ZNF385D: variants seen among roughly 807,000 people sequenced by gnomAD.
The protein encoded by ZNF385D is zinc finger protein 659.
A neutral mutation model predicts 35.8 loss-of-function variants in ZNF385D; 15 were observed. The observed-to-expected ratio is 0.42, with a 90% CI of 0.28 to 0.64. ZNF385D has a LOEUF of 0.64. Among genes scored for constraint, ZNF385D ranks in the 30% least tolerant of loss-of-function variants. The pLI is 0.23. For missense variants in ZNF385D, 474 were observed against 494.6 expected, an observed-to-expected ratio of 0.96 and a Z score of 0.39; for synonymous variants, 212 against 186.8, an observed-to-expected ratio of 1.13 and a Z score of -1.10.
intron 3 of ZNF385D, among the ~76,000 whole-genome samples, chr3:22,122,266 G>C (rs1253698727): frequency 1.3e-5 from 2 of 152,066 alleles, no homozygotes; most frequent in Non-Finnish European, 2.9e-5. Context: ...CAAGTGACAA[G>C]CATCAGGACC....
At chr3:22,134,054 T>C (rs1347855898) in intron 3 of ZNF385D, 1 of 151,984 alleles carries the variant, frequency 6.6e-6, no homozygotes, top group Non-Finnish European at 1.5e-5. Flanking sequence ...AGAAAACAAA[T>C]GATCAATTTA....
chr3:21,566,101 T>TAACA (rs1303585877), intron 2 of ZNF385D, among the ~76,000 whole-genome samples: 2 of 152,202 alleles, frequency 1.3e-5, no homozygotes, highest in Non-Finnish European at 2.9e-5. Flanking sequence ...ATAACAATAG[T>TAACA]AACAATAAAA....
chr3:21,504,865 G>A (rs527826924), intron 4 of ZNF385D, among the ~76,000 whole-genome samples: 6 of 152,082 alleles, frequency 3.9e-5, no homozygotes, highest in Non-Finnish European at 8.8e-5. Flanking sequence ...TAAGAGATGT[G>A]GTTTATGTAC....
chr3:21,973,978 T>A (rs1703436908), intron 3 of ZNF385D, among the ~76,000 whole-genome samples: 1 of 152,038 alleles, frequency 6.6e-6, no homozygotes, highest in African/African-American at 2.4e-5. Flanking sequence ...TATATATTTT[T>A]AAAAATGTAT....
At chr3:22,188,027 A>T (rs1190315272) in intron 2 of ZNF385D, among the ~76,000 whole-genome samples, 1 of 152,226 alleles carries the variant, frequency 6.6e-6, no homozygotes, top group Non-Finnish European at 1.5e-5. Context: ...ATGAAGCTGC[A>T]GTCAATAACC....
chr3:22,346,706 T>C (rs926414574), intron 2 of ZNF385D, among the ~76,000 whole-genome samples: 3 of 152,214 alleles, frequency 2.0e-5, no homozygotes, highest in African/African-American at 7.2e-5. Flanking sequence ...ATTTTATATA[T>C]TCTTTTTAAA....
At chr3:22,087,711 G>A (rs556523327) in intron 3 of ZNF385D, among the ~76,000 whole-genome samples, 2 of 152,144 alleles carry the variant, frequency 1.3e-5, no homozygotes, top group South Asian at 4.2e-4. Flanking sequence ...TTTATTTTGG[G>A]TTTTGTTACT....
intron 3 of ZNF385D, among the ~76,000 whole-genome samples, chr3:21,869,004 T>G (rs936265660): frequency 6.6e-6 from 1 of 152,074 alleles, no homozygotes; most frequent in African/African-American, 2.4e-5. Context: ...CTGGCAGGAA[T>G]TACGGAAAAA....
At chr3:21,989,060 C>A (rs910178323) in intron 3 of ZNF385D, among the ~76,000 whole-genome samples, 1 of 152,102 alleles carries the variant, frequency 6.6e-6, no homozygotes, top group African/African-American at 2.4e-5. Flanking sequence ...GTCTGGCACT[C>A]CCTAGTGAGA....
chr3:22,260,209 G>T (rs78595954), intron 2 of ZNF385D, among the ~76,000 whole-genome samples: 1 of 151,882 alleles, frequency 6.6e-6, no homozygotes, highest in African/African-American at 2.4e-5. Flanking sequence ...AGAAATGGAA[G>T]CCTTCATTCT....
intron 4 of ZNF385D, among the ~76,000 whole-genome samples, chr3:21,456,852 C>A (rs1349416339): frequency 1.3e-5 from 2 of 152,170 alleles, no homozygotes; most frequent in African/African-American, 2.4e-5. Flanking sequence ...AAGACTAACA[C>A]CTTCTCAGTG....
intron 4 of ZNF385D, among the ~76,000 whole-genome samples, chr3:21,507,723 C>T (rs1366736242): frequency 6.6e-6 from 1 of 152,130 alleles, no homozygotes; most frequent in Non-Finnish European, 1.5e-5. Flanking sequence ...AGCCACATGC[C>T]ACTGTGCCAG....
At chr3:21,508,628 T>C (rs1304135191) in intron 4 of ZNF385D, among the ~76,000 whole-genome samples, 1 of 152,154 alleles carries the variant, frequency 6.6e-6, no homozygotes, top group Non-Finnish European at 1.5e-5. Flanking sequence ...ATGTTAAATA[T>C]ACCTTTCCCA....
At chr3:21,717,479 T>C (rs1343061151) in intron 1 of ZNF385D, among the ~76,000 whole-genome samples, 1 of 152,204 alleles carries the variant, frequency 6.6e-6, no homozygotes, top group Non-Finnish European at 1.5e-5. Flanking sequence ...GTTCTGCCAA[T>C]GTAATCTTGC....
chr3:21,951,993 T>C (rs1375921350), intron 3 of ZNF385D, among the ~76,000 whole-genome samples: 1 of 151,658 alleles, frequency 6.6e-6, no homozygotes, highest in Admixed American at 6.6e-5. Context: ...TCCATTATTT[T>C]AGATCTTCAG....
At chr3:22,062,821 A>G (rs761799073) in intron 3 of ZNF385D, among the ~76,000 whole-genome samples, 2 of 152,210 alleles carry the variant, frequency 1.3e-5, no homozygotes, top group Non-Finnish European at 2.9e-5. Context: ...ACACAGCCAT[A>G]TGGAAATACC....
chr3:21,776,038 CTTTG>C (rs1264411180), intron 3 of ZNF385D, among the ~76,000 whole-genome samples: 1 of 151,392 alleles, frequency 6.6e-6, no homozygotes, highest in Non-Finnish European at 1.5e-5. Flanking sequence ...TATAGTATTT[CTTTG>C]TATTTCAAAT....
intron 2 of ZNF385D, among the ~76,000 whole-genome samples, chr3:22,186,901 A>C (rs149992708): frequency 1.9e-4 from 29 of 152,182 alleles, no homozygotes; most frequent in Admixed American, 1.9e-3. Flanking sequence ...CACTTAAATA[A>C]TGTTACTAAC....
chr3:21,778,825 A>C (rs1043627788), intron 3 of ZNF385D, among the ~76,000 whole-genome samples: 1 of 151,932 alleles, frequency 6.6e-6, no homozygotes, highest in Non-Finnish European at 1.5e-5. Context: ...AACTCAAGGA[A>C]AAATATTGTG....
Sources: allele counts gnomAD v4.1 joint callset (sites outside exome capture counted in the v4.1 genomes callset), GRCh38; gene constraint gnomAD v4.1.1; transcripts MANE v1.5; gene names NCBI Gene and HGNC (gene_info 2026-07-23, HGNC 2026-07-21).